The following DTNB variants were observed in gnomAD, a reference collection of about 807,000 sequenced individuals.
DTNB encodes dystrobrevin beta.
A neutral mutation model predicts 90.7 loss-of-function variants in DTNB; 63 were observed. The observed-to-expected ratio is 0.69, with a 90% CI of 0.57 to 0.86. The LOEUF (loss-of-function observed/expected upper bound fraction) is 0.86, where lower values mean the gene tolerates loss of function less well. Ranked by LOEUF, DTNB falls within the 40% of genes least tolerant of loss-of-function variation. The pLI, the probability that DTNB is intolerant of heterozygous loss-of-function variation, is 0.00. For synonymous variants in DTNB, 277 were observed against 286.7 expected, an observed-to-expected ratio of 0.97 and a Z score of 0.34; for missense variants, 744 against 807.1, an observed-to-expected ratio of 0.92 and a Z score of 0.95.
intron 9 of DTNB, among the ~76,000 whole-genome samples, chr2:25,510,164 T>C (rs1296745811): frequency 1.3e-5 from 2 of 152,154 alleles, no homozygotes; most frequent in Admixed American, 1.3e-4. Context: ...GAATTCCAAT[T>C]ATCTGTAGGT....
intron 8 of DTNB, among the ~76,000 whole-genome samples, chr2:25,551,389 C>T (rs2083626699): frequency 6.6e-6 from 1 of 152,108 alleles, no homozygotes. Flanking sequence ...GCTAGGCTTC[C>T]CCTGGATTTT....
At chr2:25,459,310 AT>A (rs1485051878) in intron 10 of DTNB, among the ~76,000 whole-genome samples, 1 of 146,782 alleles carries the variant, frequency 6.8e-6, no homozygotes, top group African/African-American at 2.5e-5. Flanking sequence ...GTTTTCAGTC[AT>A]TTTCCTCTCG....
chr2:25,451,508 C>A (rs375856283), intron 12 of DTNB, 40 bp downstream of exon 12: 1 of 1,561,822 alleles, frequency 6.4e-7, no homozygotes, highest in Non-Finnish European at 8.7e-7. Flanking sequence ...TAAAGTAATG[C>A]TAATTTCTGC....
At chr2:25,556,075 T>C (rs1448171853) in intron 8 of DTNB, among the ~76,000 whole-genome samples, 1 of 151,854 alleles carries the variant, frequency 6.6e-6, no homozygotes, top group East Asian at 1.9e-4. Context: ...ATTTCACTTA[T>C]TATGACTACC....
At chr2:25,475,569 C>T (rs79928097) in intron 10 of DTNB, among the ~76,000 whole-genome samples, 199 of 152,330 alleles carry the variant, frequency 1.3e-3, no homozygotes, top group Non-Finnish European at 2.4e-3. Flanking sequence ...AGATCATTGA[C>T]GAAAGCAGCT....
chr2:25,432,144 G>C (rs1277564099), intron 14 of DTNB, among the ~76,000 whole-genome samples: 1 of 151,322 alleles, frequency 6.6e-6, no homozygotes, highest in African/African-American at 2.4e-5. Flanking sequence ...TGAAAATCTA[G>C]AAATCTGGTG....
intron 16 of DTNB, among the ~76,000 whole-genome samples, chr2:25,411,763 G>A (rs1360501693): frequency 6.6e-6 from 1 of 152,200 alleles, no homozygotes; most frequent in East Asian, 1.9e-4. Flanking sequence ...CTATTTGATG[G>A]TGGTATTTGT....
At chr2:25,634,086 G>A (rs1481406036) in intron 3 of DTNB, among the ~76,000 whole-genome samples, 2 of 148,798 alleles carry the variant, frequency 1.3e-5, no homozygotes, top group East Asian at 2.0e-4. Flanking sequence ...GGGTCAGCCA[G>A]CCGCCCCGTC....
chr2:25,484,859 G>A (rs1301802470), intron 9 of DTNB, among the ~76,000 whole-genome samples: 1 of 152,216 alleles, frequency 6.6e-6, no homozygotes, highest in Non-Finnish European at 1.5e-5. Context: ...ATTAATGCTA[G>A]TGGCTGTGCT....
intron 16 of DTNB, among the ~76,000 whole-genome samples, chr2:25,392,252 A>C (rs2041324132): frequency 2.0e-5 from 3 of 152,182 alleles, no homozygotes; most frequent in Admixed American, 2.0e-4. Flanking sequence ...CCACTGAAAA[A>C]AACAAAAATT....
intron 6 of DTNB, among the ~76,000 whole-genome samples, chr2:25,593,982 C>T (rs139497721): frequency 2.0e-5 from 3 of 152,302 alleles, no homozygotes; most frequent in African/African-American, 7.2e-5. Flanking sequence ...CATGTATACA[C>T]CATACACAAG....
intron 4 of DTNB, among the ~76,000 whole-genome samples, chr2:25,616,947 A>AAG (rs2070852330): frequency 8.2e-6 from 1 of 122,626 alleles, no homozygotes; most frequent in Non-Finnish European, 1.8e-5. Flanking sequence ...AAAAAAAAAA[A>AAG]AAAAAGGAAA....
At chr2:25,410,116 C>T (rs1202080978) in intron 16 of DTNB, among the ~76,000 whole-genome samples, 2 of 152,112 alleles carry the variant, frequency 1.3e-5, no homozygotes, top group African/African-American at 4.8e-5. Flanking sequence ...CTGTAGTATT[C>T]TGGGGGAGGC....
At chr2:25,580,628 T>C in intron 7 of DTNB, 93 bp downstream of exon 7, 1 of 1,200,920 alleles carries the variant, frequency 8.3e-7, no homozygotes, top group East Asian at 2.5e-5. Flanking sequence ...TCAACTGTAA[T>C]TTTCAATGAT....
chr2:25,590,941 T>C (rs566873199), intron 6 of DTNB, among the ~76,000 whole-genome samples: 9 of 152,354 alleles, frequency 5.9e-5, no homozygotes, highest in African/African-American at 1.2e-4. Context: ...TGCAGGCCAG[T>C]GCCAAGCTGC....
At position 25,455,462 on chromosome 2, in the gene DTNB, A is replaced by C. The variant is rs1419686052; in HGVS notation, c.1112T>G (p.Leu371Trp). The stretch of plus-strand genomic sequence containing the variant: ...GGCTATCAGCGCATGCTCATCGGCC[A>C]AGTGACTGGGTATATCCTGGCTATA... ...LQYSQDIPSH[L>W]ADEHALIASY... Residue 371 changes from leucine to tryptophan, a missense_variant, in exon 11 of 21, where the codon TTG becomes TGG. By Grantham distance (61) the Leu-to-Trp change is moderately conservative. Transcript: ENST00000406818. The C allele has an allele frequency of 6.2e-7, 1 of 1,607,836 alleles. No homozygotes were observed. The highest frequency in any genetic ancestry group is 1.1e-5 in the South Asian group (1 of 89,314).
At chr2:25,561,697 C>T (rs1003163706) in intron 8 of DTNB, among the ~76,000 whole-genome samples, 1 of 152,170 alleles carries the variant, frequency 6.6e-6, no homozygotes, top group Admixed American at 6.5e-5. Context: ...TCCTCTCCCC[C>T]TCTTGCCCCT....
intron 8 of DTNB, among the ~76,000 whole-genome samples, chr2:25,548,688 A>G (rs1363221955): frequency 6.6e-6 from 1 of 152,176 alleles, no homozygotes; most frequent in Admixed American, 6.5e-5. Context: ...CAGGTGGGCT[A>G]GTGCCTTCTA....
At chr2:25,459,213 T>C (rs1319215704) in intron 10 of DTNB, among the ~76,000 whole-genome samples, 2 of 152,124 alleles carry the variant, frequency 1.3e-5, no homozygotes, top group African/African-American at 4.8e-5. Context: ...TTTGAAAAGT[T>C]GGGAAAAAAT....
Sources: allele counts gnomAD v4.1 joint callset (sites outside exome capture counted in the v4.1 genomes callset), GRCh38; gene constraint gnomAD v4.1.1; transcripts MANE v1.5; gene names NCBI Gene and HGNC (gene_info 2026-07-23, HGNC 2026-07-21).